Variants in RCOR1 observed in about 807,000 individuals in gnomAD.
The protein encoded by RCOR1 is REST corepressor 1.
In RCOR1, 12 loss-of-function variants were observed where a neutral mutation model predicts 64.0. The ratio of observed to expected loss-of-function variants is 0.19; its 90% CI spans 0.12 to 0.30. RCOR1 has a LOEUF of 0.30. RCOR1 is among the 10% of genes least tolerant of loss of function. The probability of loss-of-function intolerance (pLI) is 1.00; values close to 1 mark genes in which losing one functional copy is unlikely to be tolerated. For synonymous variants in RCOR1, 279 were observed against 227.2 expected (o/e 1.23, Z -2.05); for missense variants, 502 against 621.2 (o/e 0.81, Z 2.04).
At chr14:102,619,527 C>T (rs1469074196) in intron 2 of RCOR1, among the ~76,000 whole-genome samples, 1 of 147,002 alleles carries the variant, frequency 6.8e-6, no homozygotes. Flanking sequence ...GTTGCCCAGG[C>T]TGGACTGTAG....
intron 4 of RCOR1, among the ~76,000 whole-genome samples, chr14:102,702,571 G>A (rs1895774368): frequency 6.6e-6 from 1 of 152,098 alleles, no homozygotes; most frequent in East Asian, 1.9e-4. Flanking sequence ...TATTGAGGCA[G>A]TAAAGTGTGA....
At chr14:102,649,065 AC>A (rs764131760) in intron 2 of RCOR1, among the ~76,000 whole-genome samples, 20,308 of 141,296 alleles carry the variant, frequency 0.14, 1,372 homozygotes, top group East Asian at 0.31. Context: ...AGCAAAAAAA[AC>A]AAAAAAAAAA....
At chr14:102,663,214 A>G (rs916337299) in intron 2 of RCOR1, among the ~76,000 whole-genome samples, 2 of 152,186 alleles carry the variant, frequency 1.3e-5, no homozygotes, top group African/African-American at 2.4e-5. Flanking sequence ...GCCGTCCGCC[A>G]TGACTGTGAG....
At chr14:102,723,441 C>G (rs1282553099) in intron 11 of RCOR1, among the ~76,000 whole-genome samples, 2 of 152,198 alleles carry the variant, frequency 1.3e-5, no homozygotes, top group Non-Finnish European at 1.5e-5. Context: ...GCACAGCCAT[C>G]TGTAAGAACA....
rs1896270081 is a variant in RCOR1, at chr14:102,726,664, ATTC to A, written c.*161_*163del. The A allele has an allele frequency of 1.6e-6, 1 of 625,216 alleles. No individual in the cohort carries two copies. The highest frequency in any genetic ancestry group is 2.7e-6 in the Non-Finnish European group (1 of 366,358). The allele number at this position is 625,216 out of a possible 1,614,324, so 38.7% of individuals were successfully genotyped here. On this transcript the variant is annotated 3_prime_UTR_variant, in exon 12 of 12. Coordinates refer to ENST00000262241, the MANE Select transcript of RCOR1 (RefSeq NM_015156.4). Reference sequence around the variant, plus strand: ...CCAGTCCTGTGCTCCATCTGCCTTAATTCTTTGCTCGTTCCTCCATGTTGGCGC... The same window carrying A: ...CCAGTCCTGTGCTCCATCTGCCTTAATTTGCTCGTTCCTCCATGTTGGCGC...
At position 102,685,188 on chromosome 14, in the gene RCOR1, A is replaced by G. The variant is rs562705876; in HGVS notation, c.445+3210A>G. On this transcript the variant is annotated intron_variant, in intron 3 of 11. Coordinates refer to ENST00000262241, the MANE Select transcript of RCOR1 (RefSeq NM_015156.4). ...TTATAAAAATAAATGCTATTTTAGA[A>G]AATTCAAATAGTACATAATGCATAA... is the stretch of plus-strand genomic sequence containing the variant. Among the ~76,000 whole-genome samples, 9 of 152,240 alleles carry G rather than the reference A, an allele frequency of 5.9e-5. No homozygotes were observed. The East Asian group carries it at 1.7e-3, about 29-fold the overall frequency.
chr14:102,593,037 G>GCCT lies in RCOR1; in HGVS notation c.156_158dup (p.Ser53dup). On this transcript the variant is annotated inframe_insertion, in exon 1 of 12. Coordinates refer to ENST00000262241, the MANE Select transcript of RCOR1 (RefSeq NM_015156.4). The stretch of plus-strand genomic sequence containing the variant: ...CGCCACTGCCGCCTCGGGCGCCGCC[G>GCCT]CCTCCTCAGCCTCGGCCGCCGCCGC... 1 of 1,290,192 alleles carries GCCT rather than the reference G, an allele frequency of 7.8e-7. No individual in the cohort carries two copies. Among genetic ancestry groups the GCCT allele is most frequent in the Non-Finnish European group, 9.9e-7 (1 of 1,010,604 alleles). The allele number at this position is 1,290,192 out of a possible 1,614,324, so 79.9% of individuals were successfully genotyped here.
intron 2 of RCOR1, among the ~76,000 whole-genome samples, chr14:102,596,010 T>C (rs185992006): frequency 6.6e-6 from 1 of 152,356 alleles, no homozygotes; most frequent in East Asian, 1.9e-4. Flanking sequence ...ATTGAGACTT[T>C]ACTATTTCCT....
chr14:102,599,504 TTAA>T (rs912150371), intron 2 of RCOR1, among the ~76,000 whole-genome samples: 6 of 152,206 alleles, frequency 3.9e-5, no homozygotes, highest in Admixed American at 2.0e-4. Flanking sequence ...GCGTACATTG[TTAA>T]TGATGAATAT....
chr14:102,683,854 G>A (rs994768205), intron 3 of RCOR1, among the ~76,000 whole-genome samples: 8 of 152,224 alleles, frequency 5.3e-5, no homozygotes, highest in Non-Finnish European at 1.2e-4. Flanking sequence ...GGGGCACCCG[G>A]CCTGCTCCCC....
intron 2 of RCOR1, among the ~76,000 whole-genome samples, chr14:102,637,207 A>G (rs1471921251): frequency 1.4e-5 from 2 of 147,804 alleles, no homozygotes; most frequent in Non-Finnish European, 3.0e-5. Context: ...GCTCACGGCA[A>G]CCTCCGCCTC....
At chr14:102,720,525 C>T (rs1755597313) in intron 8 of RCOR1, among the ~76,000 whole-genome samples, 1 of 152,214 alleles carries the variant, frequency 6.6e-6, no homozygotes, top group Admixed American at 6.5e-5. Flanking sequence ...TATGCTTGTG[C>T]ACTTCTGCCC....
At chr14:102,642,757 G>A (rs1242215428) in intron 2 of RCOR1, among the ~76,000 whole-genome samples, 2 of 152,148 alleles carry the variant, frequency 1.3e-5, no homozygotes, top group Non-Finnish European at 2.9e-5. Context: ...GATCACATGA[G>A]CCCAGGAAGT....
chr14:102,711,269 CACTG>C (rs1421629679), intron 7 of RCOR1, among the ~76,000 whole-genome samples: 8 of 152,208 alleles, frequency 5.3e-5, no homozygotes, highest in Non-Finnish European at 1.5e-5. Flanking sequence ...CAGCAGTCCT[CACTG>C]ACTTTCTTCG....
At chr14:102,638,773 T>G (rs1894297428) in intron 2 of RCOR1, among the ~76,000 whole-genome samples, 1 of 152,084 alleles carries the variant, frequency 6.6e-6, no homozygotes, top group Admixed American at 6.6e-5. Flanking sequence ...GTTCAAGCAA[T>G]TCTGCTGTCT....
chr14:102,676,220 G>A (rs1245795032), intron 2 of RCOR1, among the ~76,000 whole-genome samples: 1 of 150,030 alleles, frequency 6.7e-6, no homozygotes, highest in African/African-American at 2.5e-5. Flanking sequence ...CCAATGAGCC[G>A]CTGGGCACAC....
At chr14:102,649,879 T>A in intron 2 of RCOR1, 1 of 676,914 alleles carries the variant, frequency 1.5e-6, no homozygotes, top group Non-Finnish European at 1.8e-6. Flanking sequence ...ATGAAGGCAG[T>A]GAAGAAAGGT....
chr14:102,601,505 G>C (rs1893397518), intron 2 of RCOR1, among the ~76,000 whole-genome samples: 1 of 152,362 alleles, frequency 6.6e-6, no homozygotes, highest in Non-Finnish European at 1.5e-5. Flanking sequence ...GATAAAGAGA[G>C]GAAGGAGGTG....
chr14:102,634,586 A>G (rs1459416510), intron 2 of RCOR1, among the ~76,000 whole-genome samples: 1 of 145,190 alleles, frequency 6.9e-6, no homozygotes, highest in African/African-American at 2.5e-5. Context: ...ATCTTTCCAC[A>G]ACATGTTTAT....
Sources: gnomAD v4.1 joint callset for allele counts (sites outside exome capture counted in the v4.1 genomes callset) on GRCh38, gnomAD v4.1.1 for gene constraint, MANE v1.5 for transcripts, NCBI Gene and HGNC (gene_info 2026-07-23, HGNC 2026-07-21) for gene names.